Variants in PBLD observed in about 807,000 individuals in gnomAD.
The protein encoded by PBLD is phenazine biosynthesis-like domain-containing protein.
Under a neutral mutation model 31.3 loss-of-function variants are expected in PBLD, and 26 were observed. The ratio of observed to expected loss-of-function variants is 0.83; its 90% CI spans 0.61 to 1.15. PBLD has a LOEUF of 1.15. PBLD is among the 50% of genes most tolerant of loss of function. The probability of loss-of-function intolerance (pLI) is 0.00; values close to 1 mark genes in which losing one functional copy is unlikely to be tolerated. For missense variants in PBLD, 307 were observed against 351.7 expected (o/e 0.87, Z 1.02); for synonymous variants, 114 against 129.0 (o/e 0.88, Z 0.79).
At chr10:68,313,423 T>C (rs2044696611) in intron 1 of PBLD, among the ~76,000 whole-genome samples, 1 of 152,334 alleles carries the variant, frequency 6.6e-6, no homozygotes. Flanking sequence ...CTAATATAGA[T>C]CTATTCAAAT....
intron 1 of PBLD, among the ~76,000 whole-genome samples, chr10:68,322,198 A>C (rs918162047): frequency 2.0e-5 from 3 of 152,148 alleles, no homozygotes; most frequent in African/African-American, 2.4e-5. Flanking sequence ...TGAGAAAAAC[A>C]TCAGAAAAAA....
chr10:68,301,292 CCACCTGTGGG>C (rs1564729821), intron 2 of PBLD, among the ~76,000 whole-genome samples: 2 of 152,104 alleles, frequency 1.3e-5, no homozygotes, highest in African/African-American at 4.8e-5. Context: ...AGTACCTGTC[CCACCTGTGGG>C]CACCTGTGGG....
intron 4 of PBLD, among the ~76,000 whole-genome samples, chr10:68,292,898 A>G (rs2044378271): frequency 6.6e-6 from 1 of 151,512 alleles, no homozygotes; most frequent in Non-Finnish European, 1.5e-5. Context: ...TCTTTGAGGA[A>G]CTGTCTCACT....
At chr10:68,301,192 G>A (rs528808573) in intron 2 of PBLD, among the ~76,000 whole-genome samples, 15 of 152,106 alleles carry the variant, frequency 9.9e-5, no homozygotes, top group East Asian at 3.9e-4. Flanking sequence ...CACCGCACCC[G>A]CCCATTCTCT....
At chr10:68,319,068 A>AAAG (rs1204187424) in intron 1 of PBLD, among the ~76,000 whole-genome samples, 1 of 124,614 alleles carries the variant, frequency 8.0e-6, no homozygotes, top group African/African-American at 3.5e-5. Flanking sequence ...AGAAAGAAAG[A>AAAG]AAGAAAGAAA....
At chr10:68,330,951 C>T (rs1369430837) in intron 1 of PBLD, among the ~76,000 whole-genome samples, 2 of 152,140 alleles carry the variant, frequency 1.3e-5, no homozygotes, top group South Asian at 2.1e-4. Flanking sequence ...ACTTCCAGGG[C>T]ACAAGCCATC....
At chr10:68,291,536 T>C (rs1282521949) in intron 6 of PBLD, among the ~76,000 whole-genome samples, 1 of 152,140 alleles carries the variant, frequency 6.6e-6, no homozygotes, top group Non-Finnish European at 1.5e-5. Context: ...CCCTCCATCT[T>C]GTGTGTATGG....
rs760398748 is a variant in PBLD at position 68,285,296 on chromosome 10, A to G, written c.754+52T>C. The G allele has an allele frequency of 5.0e-6, 8 of 1,613,854 alleles. No homozygotes were observed. The African/African-American group carries it at 1.1e-4, about 22-fold the overall frequency. On this transcript the variant is annotated intron_variant, in intron 9 of 9. Transcript: ENST00000358769. ...GGGGATAGTACATATGAGAAGGAAC[A>G]CTAGCTTCGAATTAGGCAAATAAAA... is the stretch of plus-strand genomic sequence containing the variant.
intron 1 of PBLD, among the ~76,000 whole-genome samples, chr10:68,318,375 TAAA>T (rs34722771): frequency 3.9e-5 from 2 of 51,282 alleles, no homozygotes; most frequent in African/African-American, 8.2e-5. Flanking sequence ...CTGCCTCTAT[TAAA>T]AAAAAAAAAA....
At chr10:68,322,379 A>G (rs118001458) in intron 1 of PBLD, among the ~76,000 whole-genome samples, 2 of 151,950 alleles carry the variant, frequency 1.3e-5, no homozygotes, top group East Asian at 3.9e-4. Context: ...AATGGACCAG[A>G]GCTAGGCACG....
At chr10:68,332,338 C>G (rs1439308678) in intron 1 of PBLD, 1 of 152,114 alleles carries the variant, frequency 6.6e-6, no homozygotes, top group Non-Finnish European at 1.5e-5. Flanking sequence ...CGGAGGCCGC[C>G]GCTTGGAAGC....
At chr10:68,299,030 C>A (rs2044469424) in intron 2 of PBLD, among the ~76,000 whole-genome samples, 1 of 134,128 alleles carries the variant, frequency 7.5e-6, no homozygotes, top group Non-Finnish European at 1.5e-5. Context: ...TTGCTTGAAC[C>A]TGGGAGGCAG....
At chr10:68,295,300 C>T (rs1007768718) in intron 4 of PBLD, among the ~76,000 whole-genome samples, 1 of 151,830 alleles carries the variant, frequency 6.6e-6, no homozygotes, top group Non-Finnish European at 1.5e-5. Context: ...TGAGACCAGC[C>T]TGGGCAACAT....
chr10:68,296,862 T>TTA, intron 3 of PBLD, 24 bp downstream of exon 3: 1 of 1,212,102 alleles, frequency 8.3e-7, no homozygotes. Flanking sequence ...GAACAGTTCT[T>TTA]AAAAAAAAAA....
At chr10:68,318,079 T>C (rs760698147) in intron 1 of PBLD, among the ~76,000 whole-genome samples, 8 of 151,478 alleles carry the variant, frequency 5.3e-5, no homozygotes, top group Non-Finnish European at 1.2e-4. Context: ...TACAAAAAAT[T>C]AGCCAGGCGT....
chr10:68,332,106 G>A (rs2045149340), intron 1 of PBLD: 1 of 152,360 alleles, frequency 6.6e-6, no homozygotes, highest in African/African-American at 2.4e-5. Flanking sequence ...GTCACCGCTG[G>A]AGACGGTTGG....
intron 1 of PBLD, among the ~76,000 whole-genome samples, chr10:68,320,281 G>A (rs1189994243): frequency 6.6e-6 from 1 of 152,074 alleles, no homozygotes; most frequent in Non-Finnish European, 1.5e-5. Context: ...AACAAAGAAG[G>A]ACATTTTATA....
intron 1 of PBLD, among the ~76,000 whole-genome samples, chr10:68,310,856 C>T (rs2044657488): frequency 7.3e-6 from 1 of 137,748 alleles, no homozygotes; most frequent in Admixed American, 7.9e-5. Context: ...GGTTACATCT[C>T]AATAAACCCA....
chr10:68,328,217 T>G (rs1456244415), intron 1 of PBLD, among the ~76,000 whole-genome samples: 4 of 152,226 alleles, frequency 2.6e-5, no homozygotes, highest in African/African-American at 9.6e-5. Context: ...TAGATGAAAT[T>G]TAGTGGATTT....
Sources: allele counts gnomAD v4.1 joint callset (sites outside exome capture counted in the v4.1 genomes callset), GRCh38; gene constraint gnomAD v4.1.1; transcripts MANE v1.5; gene names NCBI Gene and HGNC (gene_info 2026-07-23, HGNC 2026-07-21).